Variants in C4orf50 observed in about 807,000 individuals in gnomAD.
The protein encoded by C4orf50 is uncharacterized protein C4orf50.
A neutral mutation model predicts 77.2 loss-of-function variants in C4orf50; 80 were observed. The observed-to-expected ratio is 1.04, with a 90% CI of 0.87 to 1.25. C4orf50 has a LOEUF of 1.25. Among genes scored for constraint, C4orf50 ranks in the 50% most tolerant of loss-of-function variants. C4orf50 has a pLI of 0.00. For missense variants in C4orf50, 1,257 were observed against 1,152.9 expected, an observed-to-expected ratio of 1.09 and a Z score of -1.31; for synonymous variants, 532 against 465.3, an observed-to-expected ratio of 1.14 and a Z score of -1.84.
intron 7 of C4orf50, among the ~76,000 whole-genome samples, chr4:5,910,777 A>C (rs982163969): frequency 2.6e-5 from 4 of 152,124 alleles, no homozygotes; most frequent in Non-Finnish European, 5.9e-5. Context: ...CCCTGCCCTC[A>C]GGTGCTCTCT....
At chr4:5,954,990 G>A (rs1163340126), downstream of C4orf50, among the ~76,000 whole-genome samples, 2 of 152,042 alleles carry the variant, frequency 1.3e-5, no homozygotes, top group Non-Finnish European at 2.9e-5. This position sits in a 1 kb window ranked among gnomAD's most constrained non-coding sequence, Gnocchi z 4.7. Context: ...GACCTGCCCT[G>A]TGCACAGGCC....
rs957932228 is a variant in C4orf50 at position 6,008,469 on chromosome 4, G to A, written c.490C>T (p.Arg164Trp). 12 of 397,514 alleles carry A rather than the reference G, an allele frequency of 3.0e-5. No homozygotes were observed. Among genetic ancestry groups the A allele is most frequent in the Non-Finnish European group, 5.3e-5 (12 of 225,446 alleles). The allele number at this position is 397,514 out of a possible 1,614,324, so 24.6% of individuals were successfully genotyped here. The stretch of plus-strand genomic sequence containing the variant: ...TGCCCCAGTGCCTCGTCCTTGCGCC[G>A]CAACCGCTCCTGCAACCGCCGCAGC... The change falls in exon 25 of 34, where the codon CGG (arginine) becomes TGG (tryptophan). Residue 164 changes from arginine (R) to tryptophan (W), a missense_variant. Transcript: ENST00000531445. The surrounding 1 kb of genome is among the most constrained non-coding windows in gnomAD (Gnocchi z 6.0).
chr4:5,996,081 T>C (rs1721564853), intron 25 of C4orf50, among the ~76,000 whole-genome samples: 1 of 152,232 alleles, frequency 6.6e-6, no homozygotes, highest in Admixed American at 6.5e-5. Context: ...GGTGCCCATC[T>C]ATGGGCTGTC....
rs150750701 is a variant in C4orf50 at position 5,970,512 on chromosome 4, C to G, written c.4105-3050G>C. 2.2e-4 allele frequency among the ~76,000 whole-genome samples: 33 copies of G among 152,250 alleles called. 1 individual carries two copies. The East Asian group carries it at 6.2e-3, about 29-fold the overall frequency. On this transcript the variant is annotated intron_variant, in intron 31 of 33. Transcript: ENST00000531445. The surrounding 1 kb of genome is among the most constrained non-coding windows in gnomAD (Gnocchi z 4.3). ...GGGTGACCCATGGACGCTAGTGACC[C>G]GGATGGCACAACAGCAGATGCCAGC...
rs1717025915 is a variant in C4orf50, at chr4:5,916,335, T to C, written c.*2475-18147A>G. Among the ~76,000 whole-genome samples, 1 of 152,060 alleles carries C rather than the reference T, an allele frequency of 6.6e-6. No individual in the cohort carries two copies. The highest frequency in any genetic ancestry group is 6.5e-5 in the Admixed American group (1 of 15,270). On this transcript the variant is annotated intron_variant, in intron 7 of 7. Transcript: ENST00000324058. The surrounding 1 kb of genome is among the most constrained non-coding windows in gnomAD (Gnocchi z 4.4). ...TTTGTCTGGGTGTTGACCAATCAAC[T>C]AGGAGAGGGGTGGGGCTTAACCACG...
At position 6,014,453 on chromosome 4, in the gene C4orf50, T is replaced by G. The variant is rs115317697; in HGVS notation, c.288-2485A>C. ...ATGCAAAATGATAGTGTTATGAAGATGGGAGTGGGATTTTCTTCCTCACAT... is the reference window on the plus strand; with the variant it reads ...ATGCAAAATGATAGTGTTATGAAGAGGGGAGTGGGATTTTCTTCCTCACAT... On this transcript the variant is annotated intron_variant, in intron 23 of 33. Transcript: ENST00000531445. 8.3e-3 allele frequency among the ~76,000 whole-genome samples: 1,259 copies of G among 152,330 alleles called. 12 individuals are homozygous for G. Among genetic ancestry groups the G allele is most frequent in the African/African-American group, 0.029 (1,197 of 41,574 alleles).
chr4:5,973,808 C>G (rs142005920), exon 31 of C4orf50: 516 of 1,613,090 alleles, frequency 3.2e-4, no homozygotes, highest in Non-Finnish European at 4.1e-4. Context: ...CGGTTCCTCT[C>G]CCGGCACTTC....
chr4:5,936,759 T>G (rs955478437), intron 7 of C4orf50, among the ~76,000 whole-genome samples: 5 of 151,834 alleles, frequency 3.3e-5, no homozygotes, highest in African/African-American at 9.7e-5. Flanking sequence ...AGATACAAAT[T>G]CTCAGATTCA....
At chr4:5,997,297 G>A (rs1721637457) in intron 25 of C4orf50, among the ~76,000 whole-genome samples, 1 of 152,196 alleles carries the variant, frequency 6.6e-6, no homozygotes, top group Non-Finnish European at 1.5e-5. Context: ...CTATGTGGCA[G>A]GCCCTGTTCT....
chr4:5,961,829 T>C (rs1195655563), intron 33 of C4orf50, among the ~76,000 whole-genome samples: 1 of 152,186 alleles, frequency 6.6e-6, no homozygotes, highest in Non-Finnish European at 1.5e-5. Context: ...CCTTTTTTTT[T>C]GCTAAGCTCA....
At chr4:6,001,211 C>T (rs1042333149) in intron 25 of C4orf50, among the ~76,000 whole-genome samples, 2 of 152,116 alleles carry the variant, frequency 1.3e-5, no homozygotes, top group South Asian at 2.1e-4. Context: ...TGCAATGGCG[C>T]GATCTCAGCT....
intron 7 of C4orf50, among the ~76,000 whole-genome samples, chr4:5,936,562 C>CAAAAAAAAAAAAAAAAA (rs374200584): frequency 1.3e-5 from 1 of 75,398 alleles, no homozygotes; most frequent in Non-Finnish European, 2.3e-5. Flanking sequence ...GACGCCATCT[C>CAAAAAAAAAAAAAAAAA]AAAAAAAAAA....
At chr4:5,913,631 C>T (rs767825242) in intron 7 of C4orf50, among the ~76,000 whole-genome samples, 6 of 152,154 alleles carry the variant, frequency 3.9e-5, no homozygotes, top group African/African-American at 9.7e-5. Flanking sequence ...TTGATGGATT[C>T]GTTCAGGAGT....
At chr4:5,943,463 G>C (rs558059100) in intron 7 of C4orf50, among the ~76,000 whole-genome samples, 98 of 152,326 alleles carry the variant, frequency 6.4e-4, no homozygotes, top group Middle Eastern at 3.4e-3. Context: ...GAATTCCAGG[G>C]AGCTGGGGGA....
chr4:5,938,342 C>G (rs1718121500), intron 7 of C4orf50, among the ~76,000 whole-genome samples: 1 of 152,136 alleles, frequency 6.6e-6, no homozygotes, highest in East Asian at 1.9e-4. Context: ...GGGACCATAA[C>G]AGGAATTAGG....
rs568298162 is a variant in C4orf50, at chr4:5,931,711, G to A, written c.*2474+25190C>T. Among the ~76,000 whole-genome samples the A allele has an allele frequency of 5.3e-5, 8 of 152,146 alleles. No homozygotes were observed. In the East Asian group the frequency reaches 7.8e-4, roughly 15 times the overall value. ...CCCTCTCTGCAGGGGGATCCCTCTC[G>A]TTCAGCTCTGCCTCCTCCAGGAAGG... On this transcript the variant is annotated intron_variant, in intron 7 of 7. Coordinates refer to the C4orf50 transcript ENST00000324058.
At chr4:5,974,235 G>T (rs1720119805) in intron 30 of C4orf50, among the ~76,000 whole-genome samples, 1 of 152,200 alleles carries the variant, frequency 6.6e-6, no homozygotes, top group African/African-American at 2.4e-5. Flanking sequence ...CACCTACCGA[G>T]TGTCATGTTT....
chr4:6,007,580 A>G lies in C4orf50; in HGVS notation c.963+416T>C, dbSNP rs1242535425. Among the ~76,000 whole-genome samples, 3 of 152,154 alleles carry G rather than the reference A, an allele frequency of 2.0e-5. No individual in the cohort carries two copies. Among genetic ancestry groups the G allele is most frequent in the Non-Finnish European group, 2.9e-5 (2 of 68,040 alleles). ...CTATGGTATTTTTTATAAAAGCCCA[A>G]ACAGATTTCAACAATGGGAAAACAA... On this transcript the variant is annotated intron_variant, in intron 25 of 33. Coordinates refer to ENST00000531445, the Ensembl canonical transcript of C4orf50. The surrounding 1 kb of genome is among the most constrained non-coding windows in gnomAD (Gnocchi z 4.1).
chr4:5,936,797 T>C (rs1470376734), intron 7 of C4orf50, among the ~76,000 whole-genome samples: 1 of 151,714 alleles, frequency 6.6e-6, no homozygotes, highest in African/African-American at 2.4e-5. Flanking sequence ...GTAGGATAGA[T>C]AAAAATGAAT....
Sources: gnomAD v4.1 joint callset for allele counts (sites outside exome capture counted in the v4.1 genomes callset) on GRCh38, gnomAD v4.1.1 for gene constraint, Gnocchi (gnomAD v3.1) non-coding constraint, MANE v1.5 for transcripts, NCBI Gene and HGNC (gene_info 2026-07-23, HGNC 2026-07-21) for gene names.